TTC21B: variants seen among roughly 807,000 people sequenced by gnomAD.
The protein encoded by TTC21B is tetratricopeptide repeat protein 21B.
TTC21B carries 127 observed loss-of-function variants against 175.1 expected under a neutral mutation model. The ratio of observed to expected loss-of-function variants is 0.73; its 90% confidence interval spans 0.63 to 0.84. The LOEUF is 0.84. TTC21B is among the 40% of genes least tolerant of loss of function. The pLI is 0.00. For missense variants in TTC21B, 1,561 were observed against 1,558.3 expected (o/e 1.00, Z -0.03); for synonymous variants, 524 against 524.5 (o/e 1.00, Z 0.01).
chr2:165,890,895 C>G lies in TTC21B; in HGVS notation c.3044G>C (p.Arg1015Pro). The G allele has an allele frequency of 6.2e-7, 1 of 1,613,250 alleles. No individual in the cohort carries two copies. The highest frequency in any genetic ancestry group is 1.1e-5 in the South Asian group (1 of 91,072). Residue 1015 changes from arginine (R) to proline (P), a missense_variant, in exon 23 of 29, where the codon CGT becomes CCT. Coordinates refer to ENST00000243344, the MANE Select transcript of TTC21B (RefSeq NM_024753.5). Reference protein sequence around the residue: ...VPRFFSMAEKRNSRAKLEPGF... With the variant: ...VPRFFSMAEKPNSRAKLEPGF... ...TGGTTCCAATTTTGCTCTGGAGTTA[C>G]GTTTCTCAGCCATTGAGAAAAATCT...
At chr2:165,903,400 C>G (rs538975199) in intron 19 of TTC21B, among the ~76,000 whole-genome samples, 6 of 152,268 alleles carry the variant, frequency 3.9e-5, no homozygotes, top group African/African-American at 1.4e-4. Flanking sequence ...AGAGAATATA[C>G]AACAGGTAAG....
At chr2:165,903,249 C>T (rs1352251354) in intron 19 of TTC21B, among the ~76,000 whole-genome samples, 1 of 152,108 alleles carries the variant, frequency 6.6e-6, no homozygotes, top group African/African-American at 2.4e-5. Flanking sequence ...TTAGTAGTTA[C>T]ACCCTGGTGA....
intron 6 of TTC21B, chr2:165,934,894 G>A (rs1304227953): frequency 6.6e-6 from 1 of 152,126 alleles, no homozygotes; most frequent in East Asian, 1.9e-4. Context: ...ATATACTTGA[G>A]GGAGAGACTA....
intron 6 of TTC21B, among the ~76,000 whole-genome samples, chr2:165,937,078 T>G (rs1160795193): frequency 6.6e-6 from 1 of 151,976 alleles, no homozygotes; most frequent in Admixed American, 6.6e-5. Flanking sequence ...CTGTGGTACA[T>G]CGAAACAATG....
At chr2:165,907,818 T>C (rs765340582) in intron 18 of TTC21B, 34 bp from the exon 19 acceptor site, 27 of 1,395,166 alleles carry the variant, frequency 1.9e-5, no homozygotes, top group Non-Finnish European at 2.6e-5. Context: ...CAAAAAATTA[T>C]TCATCTTAAA....
chr2:165,917,502 T>C (rs1247890636), intron 13 of TTC21B, 21 bp from the exon 14 acceptor site: 1 of 1,578,280 alleles, frequency 6.3e-7, no homozygotes, highest in Non-Finnish European at 8.7e-7. Flanking sequence ...ATATTTAATA[T>C]TTCCTTGGAG....
Position 165,890,562 on chromosome 2 carries a change from A to C in TTC21B, c.3180T>G (p.Leu1060=). 1 of 1,613,734 alleles carries C rather than the reference A, an allele frequency of 6.2e-7. No individual in the cohort carries two copies. The highest frequency in any genetic ancestry group is 1.3e-5 in the African/African-American group (1 of 75,032). ...TCAAACAGATCTCTATCATATTATAAAGGGCATTTTGGCCCCAGTCACGAT... is the reference window on the plus strand; with the variant it reads ...TCAAACAGATCTCTATCATATTATACAGGGCATTTTGGCCCCAGTCACGAT... The part of the protein sequence containing the change: ...RKDRDWGQNA[L]YNMIEICLNP... The change falls in exon 24 of 29, where the codon CTT becomes CTG. Residue 1060 remains leucine (L), a synonymous_variant. Coordinates refer to ENST00000243344, the MANE Select transcript of TTC21B (RefSeq NM_024753.5).
At position 165,900,053 on chromosome 2, in the gene TTC21B, C is replaced by G. The variant is rs57257954; in HGVS notation, c.2758-173G>C. Among the ~76,000 whole-genome samples the G allele has an allele frequency of 0.038, 5,056 of 134,218 alleles. 304 individuals are homozygous for G. Among genetic ancestry groups the G allele is most frequent in the African/African-American group, 0.13 (4,772 of 37,292 alleles). The allele number at this position is 134,218 out of a possible 152,430, so 88.1% of individuals were successfully genotyped here. On this transcript the variant is annotated intron_variant, in intron 20 of 28. Coordinates refer to ENST00000243344, the MANE Select transcript of TTC21B (RefSeq NM_024753.5). ...CAGTATGTATACCCATCTCTATTTT[C>G]TCTTACACTAGAAAAAAAAAAAACA...
chr2:165,903,159 G>A (rs1245117218), intron 19 of TTC21B, among the ~76,000 whole-genome samples: 3 of 152,222 alleles, frequency 2.0e-5, no homozygotes, highest in Non-Finnish European at 4.4e-5. Flanking sequence ...AACAAGTTAA[G>A]TGGAAAATGC....
chr2:165,892,629 A>G (rs149902437), intron 22 of TTC21B, among the ~76,000 whole-genome samples: 3 of 152,336 alleles, frequency 2.0e-5, no homozygotes, highest in African/African-American at 7.2e-5. Context: ...AAAAGGAAAA[A>G]TGCTGTGTGA....
At chr2:165,881,203 T>G (rs1412737068) in intron 26 of TTC21B, among the ~76,000 whole-genome samples, 1 of 152,192 alleles carries the variant, frequency 6.6e-6, no homozygotes, top group Non-Finnish European at 1.5e-5. Context: ...CCTTCTGTAT[T>G]ACCAGAAAAA....
Position 165,911,666 on chromosome 2 carries a change from A to T in TTC21B, c.2323-201T>A, listed in dbSNP as rs62177811. Among the ~76,000 whole-genome samples, 40,644 of 138,152 alleles carry T rather than the reference A, an allele frequency of 0.29. 6,266 individuals carry two copies. Among genetic ancestry groups the T allele is most frequent in the Non-Finnish European group, 0.37 (24,226 of 65,318 alleles). The allele number at this position is 138,152 out of a possible 152,430, so 90.6% of individuals were successfully genotyped here. ...CACATGAAACAACTAATATATATAT[A>T]TATTTTTTTTTTTTGAGTCACAGTC... On this transcript the variant is annotated intron_variant, in intron 17 of 28. Coordinates refer to ENST00000243344, the MANE Select transcript of TTC21B (RefSeq NM_024753.5).
intron 19 of TTC21B, among the ~76,000 whole-genome samples, chr2:165,902,909 A>G (rs752476655): frequency 2.0e-5 from 3 of 152,246 alleles, no homozygotes; most frequent in Non-Finnish European, 4.4e-5. Flanking sequence ...GAAAGTAGAA[A>G]GCAGGGAAAG....
At chr2:165,945,483 AT>A (rs914170318) in intron 4 of TTC21B, 40 bp downstream of exon 4, 15 of 1,571,126 alleles carry the variant, frequency 9.5e-6, no homozygotes, top group Non-Finnish European at 1.0e-5. Flanking sequence ...TAACATAAGC[AT>A]TTTTTAATGT....
chr2:165,946,433 T>C (rs77356858), intron 3 of TTC21B, among the ~76,000 whole-genome samples: 2,236 of 152,320 alleles, frequency 0.015, 68 homozygotes, highest in African/African-American at 0.052. Flanking sequence ...AGACTCAAGT[T>C]ACTCCTAAAT....
At chr2:165,877,073 T>G (rs1374954479) in intron 27 of TTC21B, among the ~76,000 whole-genome samples, 2 of 152,192 alleles carry the variant, frequency 1.3e-5, no homozygotes, top group African/African-American at 4.8e-5. Flanking sequence ...TGTTGTTCTC[T>G]TGTAACATGC....
chr2:165,876,290 C>T, intron 27 of TTC21B, 58 bp from the exon 28 acceptor site: 1 of 1,075,496 alleles, frequency 9.3e-7, no homozygotes, highest in Non-Finnish European at 1.4e-6. Flanking sequence ...TATTACTTTT[C>T]CTTGCCTCCT....
chr2:165,886,603 T>C (rs1024881869), intron 25 of TTC21B, among the ~76,000 whole-genome samples: 12 of 152,156 alleles, frequency 7.9e-5, no homozygotes, highest in African/African-American at 2.9e-4. Flanking sequence ...AGTATTTTAC[T>C]AACCACATAT....
intron 25 of TTC21B, among the ~76,000 whole-genome samples, chr2:165,886,744 G>A (rs764745815): frequency 2.0e-5 from 3 of 152,058 alleles, no homozygotes; most frequent in African/African-American, 4.8e-5. Context: ...TAGGGATAAC[G>A]GATTTAGTCA....
Sources: allele counts gnomAD v4.1 joint callset (sites outside exome capture counted in the v4.1 genomes callset), GRCh38; gene constraint gnomAD v4.1.1; transcripts MANE v1.5; gene names NCBI Gene and HGNC (gene_info 2026-07-23, HGNC 2026-07-21).